The following PXDNL variants were observed in gnomAD, a reference collection of about 807,000 sequenced individuals.
The protein encoded by PXDNL is probable oxidoreductase PXDNL.
PXDNL carries 145 observed loss-of-function variants against 150.8 expected under a neutral mutation model. The observed-to-expected ratio is 0.96, with a 90% confidence interval of 0.84 to 1.10. The LOEUF is 1.10. PXDNL is among the 50% of genes least tolerant of loss of function. The pLI is 0.00. For synonymous variants in PXDNL, 757 were observed against 725.7 expected (o/e 1.04, Z -0.69); for missense variants, 2,087 against 1,873.9 (o/e 1.11, Z -2.10).
At chr8:51,615,352 G>A (rs1006797285) in intron 2 of PXDNL, among the ~76,000 whole-genome samples, 5 of 151,420 alleles carry the variant, frequency 3.3e-5, no homozygotes, top group African/African-American at 1.2e-4. Flanking sequence ...ATAGAAAATA[G>A]ACAATATTAT....
At chr8:51,738,118 G>T (rs1817076586) in intron 1 of PXDNL, among the ~76,000 whole-genome samples, 1 of 152,180 alleles carries the variant, frequency 6.6e-6, no homozygotes, top group Admixed American at 6.5e-5. Flanking sequence ...CTTTCTAGCA[G>T]GCTTTTCTGC....
At chr8:51,452,230 A>C (rs2129961411) in intron 10 of PXDNL, among the ~76,000 whole-genome samples, 1 of 152,334 alleles carries the variant, frequency 6.6e-6, no homozygotes, top group Middle Eastern at 3.4e-3. Context: ...CAAAACCCAA[A>C]CACAGTTTCT....
intron 17 of PXDNL, among the ~76,000 whole-genome samples, chr8:51,407,432 G>T (rs755002100): frequency 2.0e-5 from 3 of 152,072 alleles, no homozygotes; most frequent in Non-Finnish European, 4.4e-5. Flanking sequence ...ACTTCTTTGT[G>T]AAACTGTTTT....
chr8:51,602,094 C>G (rs574663036), intron 2 of PXDNL, among the ~76,000 whole-genome samples: 19 of 151,092 alleles, frequency 1.3e-4, no homozygotes, highest in African/African-American at 4.6e-4. Context: ...GATGGGCTTC[C>G]CTTTGTATGT....
intron 4 of PXDNL, among the ~76,000 whole-genome samples, chr8:51,552,053 TG>T (rs1207368610): frequency 6.6e-6 from 1 of 152,062 alleles, no homozygotes; most frequent in African/African-American, 2.4e-5. Context: ...GGTATACAAA[TG>T]GCCAACAAAT....
intron 1 of PXDNL, among the ~76,000 whole-genome samples, chr8:51,716,492 A>G (rs897054482): frequency 6.6e-6 from 1 of 152,206 alleles, no homozygotes; most frequent in African/African-American, 2.4e-5. Flanking sequence ...GTTTTTGTAA[A>G]CTACTGCACT....
intron 5 of PXDNL, among the ~76,000 whole-genome samples, chr8:51,493,565 C>A (rs961616998): frequency 2.0e-5 from 3 of 152,074 alleles, no homozygotes; most frequent in African/African-American, 7.2e-5. Context: ...ACTAGAATAA[C>A]CAATGCAGAG....
At chr8:51,335,369 C>G (rs1020690098) in intron 21 of PXDNL, among the ~76,000 whole-genome samples, 1 of 151,930 alleles carries the variant, frequency 6.6e-6, no homozygotes, top group East Asian at 1.9e-4. Context: ...AAGGAGACGC[C>G]GATACTATCC....
intron 12 of PXDNL, among the ~76,000 whole-genome samples, chr8:51,442,306 G>GC (rs981453763): frequency 6.7e-6 from 1 of 148,410 alleles, no homozygotes; most frequent in African/African-American, 2.5e-5. Context: ...AGTATGATTA[G>GC]CCCTCCTTGA....
rs1372114445 is a variant in PXDNL at position 51,409,052 on chromosome 8, G to A, written c.2572C>T (p.Pro858Ser). The A allele has an allele frequency of 1.1e-5, 17 of 1,609,962 alleles. No individual in the cohort carries two copies. Among genetic ancestry groups the A allele is most frequent in the Non-Finnish European group, 1.4e-5 (17 of 1,179,560 alleles). Residue 858 changes from proline to serine, a missense_variant, in exon 17 of 23, where the codon CCC becomes TCC. By Grantham distance (74) the Pro-to-Ser change is moderately conservative. Transcript: ENST00000356297. Reference sequence around the variant, plus strand: ...CTGGAGCGCGCGAAGAGCATGCAGGGCGCGTGGGTGCCCCGGGGGTCGGCG... The same window carrying A: ...CTGGAGCGCGCGAAGAGCATGCAGGACGCGTGGGTGCCCCGGGGGTCGGCG... The part of the protein sequence containing the change: ...RHADPRGTHA[P>S]CMLFARSSPA...
chr8:51,536,756 TGGAA>T (rs1397041337), intron 4 of PXDNL, among the ~76,000 whole-genome samples: 2 of 152,072 alleles, frequency 1.3e-5, no homozygotes, highest in African/African-American at 4.8e-5. Flanking sequence ...CAACACTAAA[TGGAA>T]CTGAAGAGGT....
At chr8:51,588,120 A>G (rs1450006699) in intron 3 of PXDNL, among the ~76,000 whole-genome samples, 1 of 152,188 alleles carries the variant, frequency 6.6e-6, no homozygotes, top group African/African-American at 2.4e-5. Flanking sequence ...AACAATAAGC[A>G]GGACATGCCC....
chr8:51,350,604 C>T (rs1214664336), intron 19 of PXDNL, among the ~76,000 whole-genome samples: 1 of 152,040 alleles, frequency 6.6e-6, no homozygotes, highest in Non-Finnish European at 1.5e-5. Flanking sequence ...ATCCGCCCAC[C>T]TCGGCCTCCC....
At chr8:51,382,824 G>C (rs367644670) in intron 17 of PXDNL, among the ~76,000 whole-genome samples, 4 of 152,074 alleles carry the variant, frequency 2.6e-5, no homozygotes, top group African/African-American at 9.7e-5. Flanking sequence ...TAAGAGTCCA[G>C]AAAAAAATAG....
intron 20 of PXDNL, among the ~76,000 whole-genome samples, chr8:51,341,352 C>G (rs1036969092): frequency 6.6e-6 from 1 of 152,058 alleles, no homozygotes; most frequent in African/African-American, 2.4e-5. Flanking sequence ...GCATATATAC[C>G]TGTGATATTA....
At chr8:51,387,590 C>T (rs995899478) in intron 17 of PXDNL, among the ~76,000 whole-genome samples, 9 of 152,096 alleles carry the variant, frequency 5.9e-5, no homozygotes, top group African/African-American at 1.9e-4. Flanking sequence ...TCATTCACTA[C>T]AGTATCAGTT....
At chr8:51,329,699 G>T (rs1400299983) in intron 21 of PXDNL, among the ~76,000 whole-genome samples, 1 of 152,088 alleles carries the variant, frequency 6.6e-6, no homozygotes, top group Non-Finnish European at 1.5e-5. Flanking sequence ...TGCAAAAGAA[G>T]AATTAAAAGA....
intron 1 of PXDNL, among the ~76,000 whole-genome samples, chr8:51,747,123 T>C: frequency 6.6e-6 from 1 of 152,216 alleles, no homozygotes; most frequent in East Asian, 1.9e-4. Context: ...ACAAAAAAAC[T>C]CATGATGGAG....
chr8:51,744,238 GAAAA>G (rs1339976609), intron 1 of PXDNL, among the ~76,000 whole-genome samples: 1 of 126,212 alleles, frequency 7.9e-6, no homozygotes, highest in Non-Finnish European at 1.6e-5. Context: ...GAGAAAGAAA[GAAAA>G]GAGAGGAAAA....
Sources: allele counts gnomAD v4.1 joint callset (sites outside exome capture counted in the v4.1 genomes callset), GRCh38; gene constraint gnomAD v4.1.1; transcripts MANE v1.5; gene names NCBI Gene and HGNC (gene_info 2026-07-23, HGNC 2026-07-21).